CRTC3: variants seen among roughly 807,000 people sequenced by gnomAD.
The protein encoded by CRTC3 is CREB regulated transcription coactivator 3.
Under a neutral mutation model 74.5 loss-of-function variants are expected in CRTC3, and 26 were observed. The ratio of observed to expected loss-of-function variants is 0.35; its 90% CI spans 0.26 to 0.48. The LOEUF is 0.48. Among genes scored for constraint, CRTC3 ranks in the 20% least tolerant of loss-of-function variants. CRTC3 has a pLI of 0.99. For synonymous variants in CRTC3, 377 were observed against 325.8 expected (o/e 1.16, Z -1.69); for missense variants, 760 against 787.3 (o/e 0.97, Z 0.41).
Position 90,630,488 on chromosome 15 carries a change from G to A in CRTC3, c.1266+956G>A, listed in dbSNP as rs564530273. On this transcript the variant is annotated intron_variant, in intron 11 of 14. Coordinates refer to ENST00000268184, the MANE Select transcript of CRTC3 (RefSeq NM_022769.5). ...AAATTAGCTGGGTGTGGTGGCACAC[G>A]CCTGTAGTCCCAGCTACTCCAGAGC... Among the ~76,000 whole-genome samples the A allele has an allele frequency of 7.9e-5, 12 of 152,280 alleles. No homozygotes were observed. The South Asian group carries it at 1.2e-3, about 16-fold the overall frequency.
In CRTC3 at chr15:90,629,488, C is replaced by T; in HGVS notation, c.1222C>T (p.Gln408Ter). 6.2e-7 allele frequency: 1 copy of T among 1,614,134 alleles called. No individual in the cohort carries two copies. The highest frequency in any genetic ancestry group is 8.5e-7 in the Non-Finnish European group (1 of 1,180,026). The change falls in exon 11 of 15, where the codon CAG (glutamine) becomes TAG (stop). Residue 408 changes from glutamine (Q) to a stop codon, truncating the protein, a stop_gained. Transcript: ENST00000268184. LOFTEE classifies it high-confidence loss of function. ...GPEAHQGFSRQLSSTSPLAPY... is the reference protein window; with the variant it reads ...GPEAHQGFSR ...TGAAGCACATCAAGGTTTCAGCAGA[C>T]AGCTGTCTTCAACCAGCCCACTGGC...
intron 1 of CRTC3, among the ~76,000 whole-genome samples, chr15:90,536,368 C>CT (rs1351759340): frequency 6.7e-6 from 1 of 149,080 alleles, no homozygotes; most frequent in Non-Finnish European, 1.5e-5. Context: ...AAATCCGTCT[C>CT]TAAAAAAAAA....
chr15:90,590,116 C>T (rs901957025), intron 2 of CRTC3, among the ~76,000 whole-genome samples: 2 of 151,686 alleles, frequency 1.3e-5, no homozygotes, highest in African/African-American at 4.8e-5. Flanking sequence ...CATGGTGAAT[C>T]CCCATCTCTA....
intron 6 of CRTC3, chr15:90,614,075 T>A (rs1567184976): frequency 5.5e-6 from 1 of 180,692 alleles, no homozygotes; most frequent in Non-Finnish European, 1.2e-5. Flanking sequence ...TGATGTAGGC[T>A]TTTTGAGTTA....
At chr15:90,614,793 G>C (rs1485236527) in intron 7 of CRTC3, among the ~76,000 whole-genome samples, 2 of 152,242 alleles carry the variant, frequency 1.3e-5, no homozygotes, top group Non-Finnish European at 2.9e-5. Context: ...GCCTGGCACA[G>C]TGGCTCATGC....
intron 2 of CRTC3, among the ~76,000 whole-genome samples, chr15:90,563,545 C>T (rs946577890): frequency 1.3e-5 from 2 of 152,226 alleles, no homozygotes; most frequent in South Asian, 2.1e-4. Flanking sequence ...TAGCCTTGAC[C>T]GAGCTTCTGC....
At chr15:90,584,835 C>T (rs573303921) in intron 2 of CRTC3, among the ~76,000 whole-genome samples, 1 of 152,100 alleles carries the variant, frequency 6.6e-6, no homozygotes, top group African/African-American at 2.4e-5. Context: ...CCTACCCAAG[C>T]TCTGTTGGAA....
intron 11 of CRTC3, among the ~76,000 whole-genome samples, chr15:90,632,692 C>T (rs1046041490): frequency 1.3e-5 from 2 of 152,160 alleles, no homozygotes; most frequent in African/African-American, 4.8e-5. Flanking sequence ...GAAACCTCCA[C>T]CTCCCAGGTT....
intron 1 of CRTC3, among the ~76,000 whole-genome samples, chr15:90,532,994 A>AGGGAGGCTGCGGCAG (rs1370550162): frequency 7.2e-6 from 1 of 139,674 alleles, no homozygotes. Flanking sequence ...CTGAGGCAGG[A>AGGGAGGCTGCGGCAG]GAATCGCTCG....
chr15:90,617,785 C>A, intron 7 of CRTC3, 98 bp from the exon 8 acceptor site: 1 of 759,988 alleles, frequency 1.3e-6, no homozygotes, highest in Non-Finnish European at 2.3e-6. Flanking sequence ...CCTGCCTCAG[C>A]CCCATAAAGT....
intron 9 of CRTC3, among the ~76,000 whole-genome samples, chr15:90,622,813 T>TCAAGGTGTC (rs565131239): frequency 0.013 from 1,974 of 152,216 alleles, 40 homozygotes; most frequent in African/African-American, 0.045. Flanking sequence ...ATCGCACCAC[T>TCAAGGTGTC]GCACTCCAGC....
Position 90,625,959 on chromosome 15 carries a change from T to C in CRTC3, c.933T>C (p.Ala311=), listed in dbSNP as rs1968820218. The change falls in exon 10 of 15, where the codon GCT becomes GCC. Residue 311 remains alanine (A), a synonymous_variant. Coordinates refer to ENST00000268184, the MANE Select transcript of CRTC3 (RefSeq NM_022769.5). ...SVGNSVNNIP[A]AMTHLGIRSS... ...GGAATAGTGTGAACAACATCCCAGC[T>C]GCTATGACCCACCTGGGTATAAGAA... is the stretch of plus-strand genomic sequence containing the variant. 2 of 1,614,078 alleles carry C rather than the reference T, an allele frequency of 1.2e-6. No homozygotes were observed. Among genetic ancestry groups the C allele is most frequent in the Non-Finnish European group, 1.7e-6 (2 of 1,180,028 alleles).
intron 9 of CRTC3, among the ~76,000 whole-genome samples, chr15:90,621,096 C>G (rs1968636705): frequency 6.6e-6 from 1 of 152,094 alleles, no homozygotes; most frequent in Non-Finnish European, 1.5e-5. Context: ...AAGGGGCAAG[C>G]TTTTCCTCAA....
intron 11 of CRTC3, chr15:90,638,194 G>C: frequency 2.3e-6 from 1 of 437,196 alleles, no homozygotes; most frequent in Non-Finnish European, 4.1e-6. Flanking sequence ...AAGGAAATTG[G>C]TTAAATTGGC....
At chr15:90,633,393 AATT>A (rs554947943) in intron 11 of CRTC3, among the ~76,000 whole-genome samples, 222 of 152,318 alleles carry the variant, frequency 1.5e-3, no homozygotes, top group African/African-American at 3.9e-3. Flanking sequence ...TCTGCCATTT[AATT>A]ATTATTTGGC....
intron 1 of CRTC3, 101 bp from the exon 2 acceptor site, chr15:90,539,938 A>T: frequency 1.2e-6 from 1 of 810,768 alleles, no homozygotes; most frequent in African/African-American, 1.7e-5. Flanking sequence ...TTGAAACAAG[A>T]CTTTCATTCT....
chr15:90,598,837 G>A (rs1567178631), intron 3 of CRTC3: 3 of 300,078 alleles, frequency 1.0e-5, no homozygotes, highest in African/African-American at 4.4e-5. Context: ...TGGCCAAGGC[G>A]AGCATGGAGG....
At chr15:90,590,175 C>G (rs1277728718) in intron 2 of CRTC3, among the ~76,000 whole-genome samples, 1 of 151,808 alleles carries the variant, frequency 6.6e-6, no homozygotes, top group Non-Finnish European at 1.5e-5. Flanking sequence ...TTCCTGTAAT[C>G]CCAGCTACTG....
chr15:90,541,611 G>A (rs987427635), intron 2 of CRTC3, among the ~76,000 whole-genome samples: 1 of 151,808 alleles, frequency 6.6e-6, no homozygotes, highest in African/African-American at 2.4e-5. Context: ...TGCCTTATGC[G>A]GGATTTCATA....
Sources: allele counts gnomAD v4.1 joint callset (sites outside exome capture counted in the v4.1 genomes callset), GRCh38; gene constraint gnomAD v4.1.1; transcripts MANE v1.5; gene names NCBI Gene and HGNC (gene_info 2026-07-23, HGNC 2026-07-21).